The following SHISA9 variants were observed in gnomAD, a reference collection of about 807,000 sequenced individuals.
SHISA9 encodes the protein shisa family member 9, also known as protein shisa-9.
A neutral mutation model predicts 38.0 loss-of-function variants in SHISA9; 13 were observed. The observed-to-expected ratio is 0.34, with a 90% CI of 0.22 to 0.54. The LOEUF is 0.54. SHISA9 is among the 20% of genes least tolerant of loss of function. SHISA9 has a pLI of 0.91. For synonymous variants in SHISA9, 275 were observed against 242.0 expected (o/e 1.14, Z -1.27); for missense variants, 538 against 575.8 (o/e 0.93, Z 0.67).
intron 2 of SHISA9, among the ~76,000 whole-genome samples, chr16:13,080,554 C>G (rs2073637150): frequency 6.6e-6 from 1 of 152,092 alleles, no homozygotes; most frequent in South Asian, 2.1e-4. Context: ...TTCACCAAGA[C>G]CACAGACATT....
rs745520360 is a variant in SHISA9 at position 13,235,127 on chromosome 16, C to T, written c.993C>T (p.Asp331=). The T allele has an allele frequency of 3.2e-6, 5 of 1,551,566 alleles. No homozygotes were observed. The highest frequency in any genetic ancestry group is 1.2e-5 in the South Asian group (1 of 84,058). The stretch of plus-strand genomic sequence containing the variant: ...CTCTGCACCCCGTAAGAGTGGAGGA[C>T]GAGCCCCGGGCCTTCAGCCCTGAGC... ...NLPLHPVRVE[D]EPRAFSPEHG... is the part of the protein sequence containing the mutation. The change falls in exon 5 of 5, where the codon GAC becomes GAT. Residue 331 remains aspartate (D), a synonymous_variant. Transcript: ENST00000558583.
At chr16:13,245,481 T>C in the SHISA9 span, among the ~76,000 whole-genome samples, 1 of 152,156 alleles carries the variant, frequency 6.6e-6, no homozygotes, top group South Asian at 2.1e-4. Flanking sequence ...AGAGATAAAA[T>C]AATAGATAAA....
chr16:13,020,150 A>G (rs2072834427), intron 2 of SHISA9, among the ~76,000 whole-genome samples: 1 of 149,774 alleles, frequency 6.7e-6, no homozygotes, highest in African/African-American at 2.5e-5. Context: ...CCTCAGCCTC[A>G]TGTGTAGTTG....
chr16:13,485,403 G>T, the SHISA9 span, among the ~76,000 whole-genome samples: 1 of 152,088 alleles, frequency 6.6e-6, no homozygotes, highest in Non-Finnish European at 1.5e-5. Flanking sequence ...GGTATTCCAC[G>T]GTGTATATAT....
intron 2 of SHISA9, among the ~76,000 whole-genome samples, chr16:13,035,653 C>G (rs1267828786): frequency 1.3e-5 from 2 of 152,080 alleles, no homozygotes; most frequent in African/African-American, 2.4e-5. Flanking sequence ...GTCTCAGCCT[C>G]TCAAGTAGCT....
At chr16:13,234,519 A>C (rs2051361696) in intron 4 of SHISA9, among the ~76,000 whole-genome samples, 1 of 149,324 alleles carries the variant, frequency 6.7e-6, no homozygotes, top group African/African-American at 2.6e-5. Context: ...CTAAAAGCAA[A>C]AACAAAAGCA....
At chr16:13,060,652 A>C (rs200644362) in intron 2 of SHISA9, among the ~76,000 whole-genome samples, 8,272 of 150,672 alleles carry the variant, frequency 0.055, 376 homozygotes, top group East Asian at 0.18. Context: ...AAAAAAAAAA[A>C]AAAAAAAAAC....
chr16:13,231,888 C>CCAGAGTAGAACCTACATTCAATCAA (rs2051334900), intron 4 of SHISA9, among the ~76,000 whole-genome samples: 4 of 152,338 alleles, frequency 2.6e-5, no homozygotes, highest in Admixed American at 2.6e-4. Flanking sequence ...TCTGGCTCAG[C>CCAGAGTAGAACCTACATTCAATCAA]CATTAGCTCT....
chr16:13,551,124 GAA>G, the SHISA9 span, among the ~76,000 whole-genome samples: 494 of 134,010 alleles, frequency 3.7e-3, 5 homozygotes, highest in African/African-American at 0.012. Flanking sequence ...ACTCCATCTC[GAA>G]AAAAAAAAAA....
intron 1 of SHISA9, 142 bp downstream of exon 1, chr16:12,902,769 C>A: frequency 1.1e-6 from 1 of 898,484 alleles, no homozygotes; most frequent in Non-Finnish European, 1.6e-6. Context: ...CACCGGGAAG[C>A]CAACTTCGGC....
the SHISA9 span, among the ~76,000 whole-genome samples, chr16:13,482,423 C>G: frequency 6.6e-6 from 1 of 152,236 alleles, no homozygotes; most frequent in Admixed American, 6.5e-5. Flanking sequence ...TTCCTTAAAT[C>G]CTGTCACCCT....
At chr16:13,288,782 T>G in the SHISA9 span, among the ~76,000 whole-genome samples, 4 of 152,016 alleles carry the variant, frequency 2.6e-5, no homozygotes, top group African/African-American at 9.7e-5. Flanking sequence ...AGAGCAAGAC[T>G]CTGTCTTAAA....
the SHISA9 span, among the ~76,000 whole-genome samples, chr16:13,289,846 C>G: frequency 6.6e-6 from 1 of 152,170 alleles, no homozygotes; most frequent in Admixed American, 6.5e-5. Context: ...TCCCCAAATT[C>G]TCTTTTGCCT....
chr16:13,245,266 C>T (rs750467346), downstream of SHISA9, among the ~76,000 whole-genome samples: 7 of 152,082 alleles, frequency 4.6e-5, no homozygotes, highest in Non-Finnish European at 8.8e-5. Context: ...CAACTAGAGG[C>T]CAGTGAAAGT....
At chr16:13,479,325 C>A in the SHISA9 span, among the ~76,000 whole-genome samples, 2 of 152,160 alleles carry the variant, frequency 1.3e-5, no homozygotes, top group African/African-American at 4.8e-5. Flanking sequence ...ATGTAGGTAG[C>A]ATATTCATAG....
intron 2 of SHISA9, among the ~76,000 whole-genome samples, chr16:13,131,574 A>G (rs1226468908): frequency 6.6e-6 from 1 of 152,098 alleles, no homozygotes; most frequent in Non-Finnish European, 1.5e-5. Flanking sequence ...ACACATGTTT[A>G]CCTATGCAGC....
chr16:13,281,178 T>C, the SHISA9 span, among the ~76,000 whole-genome samples: 1 of 151,788 alleles, frequency 6.6e-6, no homozygotes, highest in Admixed American at 6.6e-5. Context: ...CACAGAGCGA[T>C]TGCACAACTT....
chr16:13,039,594 T>G (rs377710449), intron 2 of SHISA9, among the ~76,000 whole-genome samples: 1 of 151,042 alleles, frequency 6.6e-6, no homozygotes, highest in African/African-American at 2.4e-5. Flanking sequence ...CCTTATTACA[T>G]TACCCTCTGG....
At chr16:13,333,467 G>T in the SHISA9 span, among the ~76,000 whole-genome samples, 7 of 152,270 alleles carry the variant, frequency 4.6e-5, no homozygotes, top group Middle Eastern at 0.017. Flanking sequence ...TATCCAGGAG[G>T]GAGGGAGGAT....
Sources: allele counts gnomAD v4.1 joint callset (sites outside exome capture counted in the v4.1 genomes callset), GRCh38; gene constraint gnomAD v4.1.1; transcripts MANE v1.5; gene names NCBI Gene and HGNC (gene_info 2026-07-23, HGNC 2026-07-21).